Variants in NTNG1 observed in about 807,000 individuals in gnomAD.
The protein encoded by NTNG1 is netrin-G1.
A neutral mutation model predicts 54.0 loss-of-function variants in NTNG1; 16 were observed. The observed-to-expected ratio is 0.30, with a 90% CI of 0.20 to 0.45. NTNG1 has a LOEUF of 0.45. NTNG1 is among the 20% of genes least tolerant of loss of function. The pLI, the probability that NTNG1 is intolerant of heterozygous loss-of-function variation, is 1.00. For synonymous variants in NTNG1, 255 were observed against 263.1 expected (o/e 0.97, Z 0.30); for missense variants, 530 against 678.7 (o/e 0.78, Z 2.43).
At chr1:107,162,576 A>C (rs1386281962) in intron 2 of NTNG1, among the ~76,000 whole-genome samples, 4 of 152,178 alleles carry the variant, frequency 2.6e-5, no homozygotes, top group Non-Finnish European at 4.4e-5. Context: ...GCAAAATAAC[A>C]GAAAGAAGCA....
intron 2 of NTNG1, among the ~76,000 whole-genome samples, chr1:107,271,874 G>C (rs1664165123): frequency 6.6e-6 from 1 of 152,088 alleles, no homozygotes. Context: ...TCTTTTAAAT[G>C]CATTTTAAAA....
intron 2 of NTNG1, among the ~76,000 whole-genome samples, chr1:107,258,125 G>T (rs1663044064): frequency 6.6e-6 from 1 of 151,164 alleles, no homozygotes; most frequent in African/African-American, 2.4e-5. Context: ...TGTGTAGATA[G>T]GATCATCTAT....
chr1:107,218,005 CT>C (rs955040762), intron 2 of NTNG1, among the ~76,000 whole-genome samples: 3 of 152,206 alleles, frequency 2.0e-5, no homozygotes, highest in Non-Finnish European at 4.4e-5. Context: ...TTGTTGTTGA[CT>C]TTCTGACTTG....
At chr1:107,175,450 T>C (rs569165325) in intron 2 of NTNG1, among the ~76,000 whole-genome samples, 1 of 152,180 alleles carries the variant, frequency 6.6e-6, no homozygotes, top group African/African-American at 2.4e-5. Context: ...CTTAGAGCCA[T>C]GAGAACATTA....
chr1:107,362,627 C>T (rs1670366474), intron 3 of NTNG1, among the ~76,000 whole-genome samples: 1 of 152,138 alleles, frequency 6.6e-6, no homozygotes, highest in Non-Finnish European at 1.5e-5. Flanking sequence ...GCTCAGTGTC[C>T]ACTGCTTGAT....
At chr1:107,345,070 A>G (rs529050904) in intron 3 of NTNG1, among the ~76,000 whole-genome samples, 5 of 152,300 alleles carry the variant, frequency 3.3e-5, no homozygotes, top group Non-Finnish European at 7.4e-5. Context: ...TCTTTCTAAG[A>G]AGGATAAGAC....
intron 2 of NTNG1, among the ~76,000 whole-genome samples, chr1:107,242,650 C>A (rs952930099): frequency 6.6e-6 from 1 of 152,134 alleles, no homozygotes; most frequent in African/African-American, 2.4e-5. Context: ...TTGTGCTGTA[C>A]TTATAAGGTA....
chr1:107,261,572 G>A (rs533478916), intron 2 of NTNG1, among the ~76,000 whole-genome samples: 20 of 152,278 alleles, frequency 1.3e-4, no homozygotes, highest in African/African-American at 4.8e-4. Flanking sequence ...GGCCAGGAGC[G>A]GTGGCTCACG....
chr1:107,167,109 A>G (rs903673276), intron 2 of NTNG1, among the ~76,000 whole-genome samples: 1 of 152,200 alleles, frequency 6.6e-6, no homozygotes, highest in East Asian at 1.9e-4. Flanking sequence ...TTTCAGTGGT[A>G]TATTGGACTG....
Position 107,162,085 on chromosome 1 carries a change from T to C in NTNG1, c.246+13246T>C, listed in dbSNP as rs1247670777. On this transcript the variant is annotated intron_variant, in intron 2 of 7. Transcript: ENST00000370068. The stretch of plus-strand genomic sequence containing the variant: ...TTTTATTGTATAAATACATAACTCA[T>C]TAATGGAAATTTAGGAAGTTTCTTT... 2.7e-5 allele frequency among the ~76,000 whole-genome samples: 4 copies of C among 150,084 alleles called. No individual in the cohort carries two copies. In the East Asian group the frequency reaches 5.9e-4, roughly 22 times the overall value.
intron 2 of NTNG1, among the ~76,000 whole-genome samples, chr1:107,294,549 C>G (rs1665827624): frequency 6.6e-6 from 1 of 152,098 alleles, no homozygotes; most frequent in Admixed American, 6.6e-5. Flanking sequence ...AACATATATC[C>G]TGTTATTAGT....
At chr1:107,421,045 T>C (rs1163079546) in intron 5 of NTNG1, 2 of 1,441,584 alleles carry the variant, frequency 1.4e-6, no homozygotes, top group Admixed American at 3.4e-5. Context: ...GTTTCACTAT[T>C]GTTTCTAATT....
intron 7 of NTNG1, among the ~76,000 whole-genome samples, chr1:107,459,186 A>G (rs1677128895): frequency 6.6e-6 from 1 of 152,200 alleles, no homozygotes; most frequent in Non-Finnish European, 1.5e-5. Context: ...TAACTTTGCA[A>G]AGACATATAT....
In NTNG1 at chr1:107,481,159, A is replaced by C; in HGVS notation, c.*319A>C. Reference sequence around the variant, plus strand: ...AACAGGAAAGACAAAAAACAAACAAATCAACCGACCTAAAAACATTGGCTA... The same window carrying C: ...AACAGGAAAGACAAAAAACAAACAACTCAACCGACCTAAAAACATTGGCTA... On this transcript the variant is annotated 3_prime_UTR_variant, in exon 8 of 8. Transcript: ENST00000370068. The C allele has an allele frequency of 1.4e-4, 52 of 360,348 alleles. No individual in the cohort carries two copies. Among genetic ancestry groups the C allele is most frequent in the East Asian group, 1.7e-4 (4 of 22,866 alleles). The allele number at this position is 360,348 out of a possible 1,614,324, so 22.3% of individuals were successfully genotyped here.
At chr1:107,416,990 T>C (rs1038264722) in intron 5 of NTNG1, among the ~76,000 whole-genome samples, 7 of 152,080 alleles carry the variant, frequency 4.6e-5, no homozygotes, top group African/African-American at 1.7e-4. Flanking sequence ...ATACAGACAA[T>C]ATTAATTTCC....
At chr1:107,233,735 A>G (rs1374404718) in intron 2 of NTNG1, among the ~76,000 whole-genome samples, 1 of 152,236 alleles carries the variant, frequency 6.6e-6, no homozygotes, top group Non-Finnish European at 1.5e-5. Context: ...GATTTTGATT[A>G]GGGATTAATT....
chr1:107,415,568 C>T (rs1429759889), intron 5 of NTNG1, among the ~76,000 whole-genome samples: 1 of 152,040 alleles, frequency 6.6e-6, no homozygotes, highest in African/African-American at 2.4e-5. Context: ...GGGGATCAGA[C>T]GTGTCATCTT....
rs1167006431 is a variant in NTNG1, at chr1:107,148,320, A to G, written c.-274A>G. On this transcript the variant is annotated 5_prime_UTR_variant, in exon 2 of 8. Coordinates refer to ENST00000370068, the MANE Select transcript of NTNG1 (RefSeq NM_001113226.3). ...AGTCTAATAGATATGTTCTAAGACA[A>G]AGAAAAAGCTGCAAGTTGTTAACGC... The G allele has an allele frequency of 3.2e-5, 12 of 379,024 alleles. No homozygotes were observed. In the East Asian group the frequency reaches 4.5e-4, roughly 14 times the overall value. The allele number at this position is 379,024 out of a possible 1,614,324, so 23.5% of individuals were successfully genotyped here.
At chr1:107,167,144 A>T (rs1303474683) in intron 2 of NTNG1, among the ~76,000 whole-genome samples, 2 of 152,104 alleles carry the variant, frequency 1.3e-5, no homozygotes, top group Admixed American at 1.3e-4. Context: ...GTTTTCCAGT[A>T]AGAAAGATTT....
Sources: allele counts gnomAD v4.1 joint callset (sites outside exome capture counted in the v4.1 genomes callset), GRCh38; gene constraint gnomAD v4.1.1; transcripts MANE v1.5; gene names NCBI Gene and HGNC (gene_info 2026-07-23, HGNC 2026-07-21).